BCR: variants seen among roughly 807,000 people sequenced by gnomAD.
The protein encoded by BCR is BCR activator of RhoGEF and GTPase, also known as breakpoint cluster region protein.
Under a neutral mutation model 138.6 loss-of-function variants are expected in BCR, and 58 were observed. The observed-to-expected ratio is 0.42, with a 90% CI of 0.34 to 0.52. The LOEUF (loss-of-function observed/expected upper bound fraction) is 0.52, where lower values mean the gene tolerates loss of function less well. Among genes scored for constraint, BCR ranks in the 20% least tolerant of loss-of-function variants. The pLI is 0.06. For missense variants in BCR, 1,599 were observed against 1,727.2 expected (o/e 0.93, Z 1.32); for synonymous variants, 786 against 730.1 (o/e 1.08, Z -1.23).
At position 23,285,818 on chromosome 22, in the gene BCR, G is replaced by A. The variant is rs555506670; in HGVS notation, c.2406+617G>A. 1.8e-3 allele frequency among the ~76,000 whole-genome samples: 268 copies of A among 152,362 alleles called. 2 individuals are homozygous for A. Among genetic ancestry groups the A allele is most frequent in the Non-Finnish European group, 2.5e-3 (172 of 68,038 alleles). ...CATGCAAGGCAGAAATGAAGAGTTA[G>A]CGCATGACAGCTAGCAGTATTTATA... is the stretch of plus-strand genomic sequence containing the variant. On this transcript the variant is annotated intron_variant, in intron 10 of 22. Coordinates refer to ENST00000305877, the MANE Select transcript of BCR (RefSeq NM_004327.4).
chr22:23,181,398 AC>A lies in BCR; in HGVS notation c.444del (p.Ala149ProfsTer30). The A allele has an allele frequency of 2.6e-6, 4 of 1,556,884 alleles. No individual in the cohort carries two copies. Among genetic ancestry groups the A allele is most frequent in the South Asian group, 1.2e-5 (1 of 83,980 alleles). On this transcript the variant is annotated frameshift_variant, in exon 1 of 23. Transcript: ENST00000305877. LOFTEE classifies it high-confidence loss of function. ...CGTCGGGGGAACGGGACGACCGGGG[AC>A]CCCCCGCCAGCGTGGCGGCGCTCAG... ...AASGERDDRG[P>X]PASVAALRSN...
chr22:23,216,594 C>T (rs573921203), intron 1 of BCR, among the ~76,000 whole-genome samples: 82 of 152,352 alleles, frequency 5.4e-4, no homozygotes, highest in African/African-American at 1.8e-3. Flanking sequence ...ATCTCTTGTT[C>T]GGTAACAAAC....
intron 1 of BCR, among the ~76,000 whole-genome samples, chr22:23,197,428 G>A (rs2072497526): frequency 6.6e-6 from 1 of 152,170 alleles, no homozygotes; most frequent in Admixed American, 6.5e-5. Flanking sequence ...TTGTTACAGT[G>A]TATTGTTATT....
intron 1 of BCR, among the ~76,000 whole-genome samples, chr22:23,215,468 G>A (rs1241279050): frequency 6.6e-6 from 1 of 152,218 alleles, no homozygotes; most frequent in Non-Finnish European, 1.5e-5. Context: ...AAGAGGGCGG[G>A]AATTCTTAGA....
At chr22:23,200,709 C>T (rs1457615032) in intron 1 of BCR, among the ~76,000 whole-genome samples, 1 of 152,082 alleles carries the variant, frequency 6.6e-6, no homozygotes, top group Non-Finnish European at 1.5e-5. Context: ...CAGGCACATG[C>T]CACCATGCCC....
intron 1 of BCR, among the ~76,000 whole-genome samples, chr22:23,236,641 CGA>C (rs1005275747): frequency 1.3e-5 from 2 of 152,200 alleles, no homozygotes; most frequent in Non-Finnish European, 2.9e-5. Context: ...TCATGAGGAC[CGA>C]GAGGGGACCA....
chr22:23,222,731 TCCTC>T (rs769111372), intron 1 of BCR, among the ~76,000 whole-genome samples: 12 of 152,172 alleles, frequency 7.9e-5, no homozygotes, highest in Admixed American at 2.6e-4. Context: ...GCCCAAGCCT[TCCTC>T]CCTCATGCCC....
At chr22:23,214,157 A>G (rs1480207159) in intron 1 of BCR, among the ~76,000 whole-genome samples, 2 of 150,878 alleles carry the variant, frequency 1.3e-5, no homozygotes, top group South Asian at 4.2e-4. Flanking sequence ...TATGACAGAT[A>G]GCGGGAGAGG....
intron 1 of BCR, among the ~76,000 whole-genome samples, chr22:23,183,213 C>T (rs1310440128): frequency 6.6e-6 from 1 of 152,128 alleles, no homozygotes; most frequent in Non-Finnish European, 1.5e-5. Flanking sequence ...CACAGTTTGC[C>T]ATTGGGGTAA....
intron 4 of BCR, chr22:23,263,363 C>T (rs1437278535): frequency 7.4e-6 from 9 of 1,213,462 alleles, no homozygotes; most frequent in Admixed American, 3.5e-5. Context: ...CGCTCAACTC[C>T]GGCTTCACGC....
At chr22:23,279,066 T>C (rs1390241663) in intron 8 of BCR, among the ~76,000 whole-genome samples, 1 of 152,180 alleles carries the variant, frequency 6.6e-6, no homozygotes, top group Non-Finnish European at 1.5e-5. Context: ...GCCTGCTGCA[T>C]GGGAGGGTTC....
intron 1 of BCR, among the ~76,000 whole-genome samples, chr22:23,252,340 C>T (rs954595931): frequency 6.6e-6 from 1 of 152,130 alleles, no homozygotes; most frequent in African/African-American, 2.4e-5. Context: ...CCATCAGACC[C>T]CATGGGCAGG....
chr22:23,226,710 A>G (rs549956650), intron 1 of BCR, among the ~76,000 whole-genome samples: 125 of 152,376 alleles, frequency 8.2e-4, no homozygotes, highest in East Asian at 6.5e-3. Context: ...AAGGTTGAGT[A>G]GTTGAGACAG....
chr22:23,290,609 C>G, intron 14 of BCR, 196 bp downstream of exon 14: 1 of 596,776 alleles, frequency 1.7e-6, no homozygotes, highest in Non-Finnish European at 3.0e-6. Context: ...GGAGTGGCCT[C>G]TGCCCTCTCC....
intron 1 of BCR, among the ~76,000 whole-genome samples, chr22:23,242,155 A>G (rs933808465): frequency 2.0e-5 from 3 of 152,242 alleles, no homozygotes; most frequent in African/African-American, 7.2e-5. Context: ...GGCCGAAGCA[A>G]GATGCTTTAT....
At chr22:23,265,083 C>G (rs2073423676) in intron 4 of BCR, 1 of 152,152 alleles carries the variant, frequency 6.6e-6, no homozygotes, top group Non-Finnish European at 1.5e-5. Flanking sequence ...AACACACATC[C>G]AGAGCTCTTT....
intron 20 of BCR, 142 bp downstream of exon 20, chr22:23,313,163 C>G (rs367634094): frequency 5.7e-5 from 61 of 1,076,706 alleles, no homozygotes; most frequent in East Asian, 5.5e-4. Context: ...CCTCAAAAAG[C>G]AGGGGACCAG....
chr22:23,254,080 C>A, intron 2 of BCR, 100 bp downstream of exon 2: 1 of 1,378,184 alleles, frequency 7.3e-7, no homozygotes, highest in Non-Finnish European at 9.7e-7. Flanking sequence ...GGTGGAGCAG[C>A]CAATGGTTTG....
intron 5 of BCR, among the ~76,000 whole-genome samples, chr22:23,270,672 C>T (rs928472955): frequency 6.6e-6 from 1 of 152,242 alleles, no homozygotes; most frequent in Non-Finnish European, 1.5e-5. Flanking sequence ...TTTCCTGCAG[C>T]ACAAGAGGTT....
Sources: gnomAD v4.1 joint callset for allele counts (sites outside exome capture counted in the v4.1 genomes callset) on GRCh38, gnomAD v4.1.1 for gene constraint, MANE v1.5 for transcripts, NCBI Gene and HGNC (gene_info 2026-07-23, HGNC 2026-07-21) for gene names.